NLRP8: variants seen among roughly 807,000 people sequenced by gnomAD.
The protein encoded by NLRP8 is NLR family pyrin domain containing 8, also known as NACHT, LRR and PYD domains-containing protein 8.
Under a neutral mutation model 88.7 loss-of-function variants are expected in NLRP8, and 86 were observed. The observed-to-expected ratio is 0.97, with a 90% CI of 0.81 to 1.16. NLRP8 has a LOEUF of 1.16. Among genes scored for constraint, NLRP8 ranks in the 50% most tolerant of loss-of-function variants. The pLI, the probability that NLRP8 is intolerant of heterozygous loss-of-function variation, is 0.00. For missense variants in NLRP8, 1,342 were observed against 1,286.5 expected (o/e 1.04, Z -0.66); for synonymous variants, 504 against 494.6 (o/e 1.02, Z -0.25).
chr19:55,955,832 C>T lies in NLRP8; in HGVS notation c.1774C>T (p.Pro592Ser). The T allele has an allele frequency of 6.2e-7, 1 of 1,614,156 alleles. No individual in the cohort carries two copies. ...TAAGAGGAAACTGCTGAAAGTCATA[C>T]CTCTGTTGCATAAATGTGACCCACC... The change falls in exon 3 of 10, where the codon CCT becomes TCT. Residue 592 changes from proline to serine, a missense_variant. Transcript: ENST00000291971.
intron 6 of NLRP8, among the ~76,000 whole-genome samples, chr19:55,972,079 T>C (rs937409219): frequency 6.6e-6 from 1 of 151,838 alleles, no homozygotes; most frequent in African/African-American, 2.4e-5. Flanking sequence ...CTTTCTCTTC[T>C]CTCTTAATCC....
intron 6 of NLRP8, among the ~76,000 whole-genome samples, chr19:55,972,879 G>T (rs1980142850): frequency 6.6e-6 from 1 of 151,376 alleles, no homozygotes; most frequent in Admixed American, 6.6e-5. Context: ...GGGCATTTGG[G>T]CTGGTTCCAT....
rs780097624 is a variant in NLRP8 at position 55,947,881 on chromosome 19, G to T, written c.-22G>T. ...GGTTGTCTTTATCGTGGACACTGAG[G>T]TGTTCTCTGCCTTGACTAAAGATGA... On this transcript the variant is annotated 5_prime_UTR_variant, in exon 1 of 10. Transcript: ENST00000291971. 12 of 1,591,964 alleles carry T rather than the reference G, an allele frequency of 7.5e-6. No individual in the cohort carries two copies. In the Admixed American group the frequency reaches 1.7e-4, roughly 22 times the overall value.
chr19:55,948,183 G>A lies in NLRP8; in HGVS notation c.281G>A (p.Gly94Glu). ...CATCTCTTGATAGAGCGTTTCCCTG[G>A]ACGACGCGCTTGGGATGTGACTTCG... is the stretch of plus-strand genomic sequence containing the variant. Residue 94 changes from glycine to glutamate, a missense_variant, in exon 1 of 10, where the codon GGA becomes GAA. By Grantham distance (98) the Gly-to-Glu change is moderately conservative. Coordinates refer to ENST00000291971, the MANE Select transcript of NLRP8 (RefSeq NM_176811.2). 6.2e-7 allele frequency: 1 copy of A among 1,614,148 alleles called. No homozygotes were observed. The highest frequency in any genetic ancestry group is 8.5e-7 in the Non-Finnish European group (1 of 1,180,034).
At chr19:55,963,101 C>T (rs1221113026) in intron 4 of NLRP8, among the ~76,000 whole-genome samples, 2 of 152,184 alleles carry the variant, frequency 1.3e-5, no homozygotes, top group Admixed American at 1.3e-4. Flanking sequence ...GCAACCTCCC[C>T]CTCCAGGGTT....
intron 3 of NLRP8, among the ~76,000 whole-genome samples, chr19:55,957,060 T>C (rs955174858): frequency 6.6e-6 from 1 of 152,064 alleles, no homozygotes; most frequent in Non-Finnish European, 1.5e-5. Flanking sequence ...CCCAAAGCAC[T>C]GGAATTACAG....
chr19:55,977,447 C>T (rs1057309591), intron 8 of NLRP8, among the ~76,000 whole-genome samples: 1 of 140,666 alleles, frequency 7.1e-6, no homozygotes, highest in Non-Finnish European at 1.5e-5. Context: ...ACATTATATA[C>T]TTACATATTA....
At position 55,948,295 on chromosome 19, in the gene NLRP8, T is replaced by C. The variant is rs746586565; in HGVS notation, c.367+26T>C. ...GTGAGTGTTGATCTGGTGGATAAAG[T>C]GGGGGTGGGCTTGGCTGCTGGGCAG... On this transcript the variant is annotated intron_variant, in intron 1 of 9. Transcript: ENST00000291971. The C allele has an allele frequency of 6.3e-6, 10 of 1,585,662 alleles. No individual in the cohort carries two copies. The African/African-American group carries it at 9.5e-5, about 15-fold the overall frequency.
At chr19:55,963,548 A>T (rs1156985053) in intron 4 of NLRP8, among the ~76,000 whole-genome samples, 1 of 151,738 alleles carries the variant, frequency 6.6e-6, no homozygotes, top group Non-Finnish European at 1.5e-5. Context: ...AAGAGGAGAA[A>T]CACTACTTCA....
intron 9 of NLRP8, among the ~76,000 whole-genome samples, chr19:55,980,837 G>T (rs187621516): frequency 3.3e-5 from 5 of 152,288 alleles, no homozygotes; most frequent in African/African-American, 1.2e-4. Context: ...GGTGTGATTT[G>T]TAGGAGGAGG....
At chr19:55,980,711 C>A (rs1009531185) in intron 9 of NLRP8, among the ~76,000 whole-genome samples, 13 of 152,146 alleles carry the variant, frequency 8.5e-5, no homozygotes, top group Non-Finnish European at 1.9e-4. Context: ...ACTGACAGCT[C>A]AAAACAGAGC....
intron 7 of NLRP8, among the ~76,000 whole-genome samples, chr19:55,974,139 G>T (rs1405752645): frequency 6.6e-6 from 1 of 151,298 alleles, no homozygotes; most frequent in Non-Finnish European, 1.5e-5. Context: ...CTACCTCGAG[G>T]TGTAAGAATT....
intron 2 of NLRP8, among the ~76,000 whole-genome samples, chr19:55,952,968 G>T (rs980075800): frequency 6.6e-6 from 1 of 152,056 alleles, no homozygotes; most frequent in Non-Finnish European, 1.5e-5. Flanking sequence ...CATTGGCTCA[G>T]CGGTCCCCAA....
In NLRP8 at chr19:55,976,063, CGTTGTTGTT is replaced by C. The variant is rs373685679; in HGVS notation, c.2706-57_2706-49del. ...AAGAAGTAAAACCTAAGGGTGTTTT[CGTTGTTGTT>C]GTTGTTGTTGTTTTGTTGTAGTTGT... On this transcript the variant is annotated intron_variant, in intron 7 of 9. Coordinates refer to ENST00000291971, the MANE Select transcript of NLRP8 (RefSeq NM_176811.2). The C allele has an allele frequency of 7.7e-6, 10 of 1,305,146 alleles. No homozygotes were observed. The African/African-American group carries it at 1.4e-4, about 18-fold the overall frequency. 80.8% of individuals were successfully genotyped at this position (1,305,146 alleles called of 1,614,324 possible). A position where few individuals can be genotyped will look rare whatever the true frequency, so the allele number is the denominator to read the frequency against.
At position 55,973,785 on chromosome 19, in the gene NLRP8, G is replaced by A; in HGVS notation, c.2668G>A (p.Ala890Thr). The change falls in exon 7 of 10, where the codon GCC becomes ACC. Residue 890 changes from alanine to threonine, a missense_variant. Coordinates refer to ENST00000291971, the MANE Select transcript of NLRP8 (RefSeq NM_176811.2). ...TGAAGGGGCCAAGCATATTTGGAAT[G>A]CCCTGCCACACCTGAGATGTCCTCT... 1 of 1,613,974 alleles carries A rather than the reference G, an allele frequency of 6.2e-7. No individual in the cohort carries two copies. The highest frequency in any genetic ancestry group is 8.5e-7 in the Non-Finnish European group (1 of 1,179,920).
intron 9 of NLRP8, among the ~76,000 whole-genome samples, chr19:55,985,758 G>A (rs1239958460): frequency 2.0e-5 from 3 of 152,178 alleles, no homozygotes; most frequent in Non-Finnish European, 4.4e-5. Flanking sequence ...GCTCATGCCT[G>A]TAATCCCAGC....
rs140931794 is a variant in NLRP8 at position 55,954,869 on chromosome 19, G to A, written c.811G>A (p.Val271Met). 1.0e-4 allele frequency: 166 copies of A among 1,614,060 alleles called. No homozygotes were observed. Among genetic ancestry groups the A allele is most frequent in the Non-Finnish European group, 1.3e-4 (158 of 1,180,038 alleles). Residue 271 changes from valine (V) to methionine (M), a missense_variant, in exon 3 of 10, where the codon GTG becomes ATG. Transcript: ENST00000291971. ...AAAGTGGCCTGGATCTCAGGACCTC[G>A]TGTCAAAGATTATGTCCAAACCCGA... is the stretch of plus-strand genomic sequence containing the variant.
intron 5 of NLRP8, among the ~76,000 whole-genome samples, chr19:55,969,238 C>T (rs529147373): frequency 6.6e-6 from 1 of 152,168 alleles, no homozygotes; most frequent in Non-Finnish European, 1.5e-5. Flanking sequence ...CATGTGTAGT[C>T]TTTTATCCCT....
chr19:55,974,762 G>A (rs1038911189), intron 7 of NLRP8, among the ~76,000 whole-genome samples: 1 of 150,766 alleles, frequency 6.6e-6, no homozygotes, highest in African/African-American at 2.4e-5. Context: ...AAAGAAAAAA[G>A]GCCCATTGTT....
Sources: gnomAD v4.1 joint callset for allele counts (sites outside exome capture counted in the v4.1 genomes callset) on GRCh38, gnomAD v4.1.1 for gene constraint, MANE v1.5 for transcripts, NCBI Gene and HGNC (gene_info 2026-07-23, HGNC 2026-07-21) for gene names.